FHDC1: variants seen among roughly 807,000 people sequenced by gnomAD.
The protein encoded by FHDC1 is FH2 domain containing 1, also known as FH2 domain-containing protein 1.
In FHDC1, 25 loss-of-function variants were observed where a neutral mutation model predicts 52.6. That is an observed-to-expected ratio of 0.48 (90% CI 0.35 to 0.66). The LOEUF (loss-of-function observed/expected upper bound fraction) is 0.66. Among genes scored for constraint, FHDC1 ranks in the 30% least tolerant of loss-of-function variants. The pLI is 0.01. For missense variants in FHDC1, 1,459 were observed against 1,452.8 expected (o/e 1.00, Z -0.07); for synonymous variants, 616 against 581.5 (o/e 1.06, Z -0.85).
chr4:152,976,762 G>T lies in FHDC1; in HGVS notation c.*39G>T. The T allele has an allele frequency of 1.4e-6, 2 of 1,449,672 alleles. No individual in the cohort carries two copies. The highest frequency in any genetic ancestry group is 1.8e-6 in the Non-Finnish European group (2 of 1,097,226). The allele number at this position is 1,449,672 out of a possible 1,614,324, so 89.8% of individuals were successfully genotyped here. ...TCTCCTGCCTCCTGGGATTCAGACG[G>T]TGAAGACTGACTTCTGGGACGAGGA... is the stretch of plus-strand genomic sequence containing the variant. On this transcript the variant is annotated 3_prime_UTR_variant, in exon 12 of 12. Transcript: ENST00000511601.
intron 2 of FHDC1, among the ~76,000 whole-genome samples, chr4:152,952,895 G>T (rs1289874925): frequency 3.3e-5 from 5 of 152,192 alleles, no homozygotes; most frequent in African/African-American, 1.2e-4. Flanking sequence ...ACTTTGAGAG[G>T]CCGAGGCAGG....
chr4:152,928,005 GCAAGTCTCT>G, the FHDC1 span: 31 of 1,473,034 alleles, frequency 2.1e-5, no homozygotes, highest in Non-Finnish European at 2.8e-5. Flanking sequence ...CCCTCATCCT[GCAAGTCTCT>G]CAGAAACACC....
chr4:152,940,034 G>A (rs1423986829), intron 1 of FHDC1, among the ~76,000 whole-genome samples: 1 of 152,218 alleles, frequency 6.6e-6, no homozygotes, highest in African/African-American at 2.4e-5. Flanking sequence ...GTGTGTGTTT[G>A]CATCTCTACT....
At chr4:152,962,940 G>GGT (rs34181980) in intron 7 of FHDC1, 56 bp downstream of exon 7, 274,899 of 907,750 alleles carry the variant, frequency 0.3, 13,484 homozygotes, top group East Asian at 0.43. Context: ...TCTATCTAAA[G>GGT]GTGTGTGTGT....
At chr4:152,934,655 A>G (rs1043038239), upstream of FHDC1, among the ~76,000 whole-genome samples, 3 of 152,224 alleles carry the variant, frequency 2.0e-5, no homozygotes, top group Non-Finnish European at 2.9e-5. Flanking sequence ...CGAGAGTTGG[A>G]AAAACCTTGT....
At chr4:152,930,407 A>C in the FHDC1 span, among the ~76,000 whole-genome samples, 36 of 152,338 alleles carry the variant, frequency 2.4e-4, no homozygotes, top group Non-Finnish European at 5.0e-4. Context: ...AAAAGGTTGA[A>C]TATTTAATAC....
the FHDC1 span, among the ~76,000 whole-genome samples, chr4:152,913,407 A>G: frequency 6.6e-6 from 1 of 152,244 alleles, no homozygotes; most frequent in African/African-American, 2.4e-5. Context: ...TCTTCTAATC[A>G]TGGAACTGTT....
chr4:152,952,748 A>C (rs1739965780), intron 2 of FHDC1, among the ~76,000 whole-genome samples: 1 of 152,204 alleles, frequency 6.6e-6, no homozygotes, highest in South Asian at 2.1e-4. Context: ...ATCCCCTGTG[A>C]TACTAAAGGA....
At chr4:152,937,768 CG>C (rs1739438728) in intron 1 of FHDC1, among the ~76,000 whole-genome samples, 1 of 152,096 alleles carries the variant, frequency 6.6e-6, no homozygotes, top group South Asian at 2.1e-4. Context: ...CTGATAAGGA[CG>C]CAGCTGGGGC....
chr4:152,919,944 CTTTTTTTTTT>C, the FHDC1 span, among the ~76,000 whole-genome samples: 5 of 70,324 alleles, frequency 7.1e-5, no homozygotes, highest in Admixed American at 2.0e-4. Flanking sequence ...TAGGGAAGTT[CTTTTTTTTTT>C]TTTTTTTTTT....
chr4:152,948,367 A>C (rs948618757), intron 2 of FHDC1, among the ~76,000 whole-genome samples: 1 of 151,940 alleles, frequency 6.6e-6, no homozygotes, highest in Non-Finnish European at 1.5e-5. Context: ...CCCTCATAGG[A>C]AGTACTTAAG....
intron 7 of FHDC1, 34 bp downstream of exon 7, chr4:152,962,918 T>C (rs769014919): frequency 6.2e-7 from 1 of 1,606,182 alleles, no homozygotes. Context: ...TAATGTTATG[T>C]TTTCAACCTT....
chr4:152,960,904 T>TA, intron 6 of FHDC1, 60 bp downstream of exon 6: 1 of 1,324,594 alleles, frequency 7.5e-7, no homozygotes, highest in Non-Finnish European at 1.0e-6. Context: ...AGCAGTTTTT[T>TA]AAAAAAGCCA....
At position 152,975,504 on chromosome 4, in the gene FHDC1, C is replaced by T. The variant is rs200680676; in HGVS notation, c.2213C>T (p.Ala738Val). The T allele has an allele frequency of 4.8e-5, 78 of 1,613,314 alleles. No individual in the cohort carries two copies. The highest frequency in any genetic ancestry group is 2.0e-4 in the Admixed American group (12 of 60,002). ...GATGCCCTGGGGAGTCTCAGCCCAG[C>T]GCTGGAGGATGGCAAGGCTGCCCCC... The part of the protein sequence containing the change: ...GRDALGSLSP[A>V]LEDGKAAPDE... Residue 738 changes from alanine (A) to valine (V), a missense_variant, in exon 12 of 12, where the codon GCG (alanine) becomes GTG (valine). Ala to Val is a moderately conservative substitution (Grantham distance 64, BLOSUM62 0). Around this residue, in one of 3 missense-constraint regions of FHDC1, gnomAD observed 939 missense variants for 854.5 expected, o/e 1.10. Transcript: ENST00000511601.
At chr4:152,918,081 A>C in the FHDC1 span, among the ~76,000 whole-genome samples, 1 of 152,216 alleles carries the variant, frequency 6.6e-6, no homozygotes, top group Non-Finnish European at 1.5e-5. Context: ...GTTCTTTTAA[A>C]AAATATATAA....
At chr4:152,943,606 G>C (rs1739643239) in intron 2 of FHDC1, 51 bp downstream of exon 2, 10 of 1,547,154 alleles carry the variant, frequency 6.5e-6, no homozygotes, top group Non-Finnish European at 8.7e-6. Flanking sequence ...ATTGTTTTGT[G>C]TTTTGGGATG....
the FHDC1 span, among the ~76,000 whole-genome samples, chr4:152,924,750 T>C: frequency 2.0e-5 from 3 of 151,370 alleles, no homozygotes; most frequent in Non-Finnish European, 2.9e-5. Flanking sequence ...CTCAGTAAAC[T>C]ATCGCAAGAA....
chr4:152,931,300 T>C, the FHDC1 span, among the ~76,000 whole-genome samples: 1 of 152,270 alleles, frequency 6.6e-6, no homozygotes, highest in South Asian at 2.1e-4. Context: ...TTGAATGTTA[T>C]AACAGCCAGA....
intron 11 of FHDC1, among the ~76,000 whole-genome samples, chr4:152,973,358 T>C (rs1399529131): frequency 6.6e-6 from 1 of 152,212 alleles, no homozygotes; most frequent in East Asian, 1.9e-4. Context: ...AGCCCAGAAT[T>C]GCTTTGTGTT....
Sources: allele counts gnomAD v4.1 joint callset (sites outside exome capture counted in the v4.1 genomes callset), GRCh38; gene constraint gnomAD v4.1.1; regional missense constraint gnomAD v4.1.1; transcripts MANE v1.5; gene names NCBI Gene and HGNC (gene_info 2026-07-23, HGNC 2026-07-21).